ADCYAP1R1: variants seen among roughly 807,000 people sequenced by gnomAD.
ADCYAP1R1 encodes pituitary adenylate cyclase-activating polypeptide type I receptor.
In ADCYAP1R1, 44 loss-of-function variants were observed where a neutral mutation model predicts 67.6. The observed-to-expected ratio is 0.65, with a 90% CI of 0.51 to 0.84. The LOEUF (loss-of-function observed/expected upper bound fraction) is 0.84. Among genes scored for constraint, ADCYAP1R1 ranks in the 40% least tolerant of loss-of-function variants. ADCYAP1R1 has a pLI of 0.00. For synonymous variants in ADCYAP1R1, 222 were observed against 219.6 expected (o/e 1.01, Z -0.10); for missense variants, 477 against 587.9 (o/e 0.81, Z 1.95).
chr7:31,061,071 G>T (rs762915373), intron 1 of ADCYAP1R1, among the ~76,000 whole-genome samples: 5 of 152,174 alleles, frequency 3.3e-5, no homozygotes, highest in African/African-American at 4.8e-5. Flanking sequence ...TATCTGCTAG[G>T]GGGCAGCCCA....
At chr7:31,060,278 A>G (rs1794443330) in intron 1 of ADCYAP1R1, among the ~76,000 whole-genome samples, 2 of 152,216 alleles carry the variant, frequency 1.3e-5, no homozygotes, top group South Asian at 4.1e-4. Flanking sequence ...ACCTGCACCC[A>G]TATCTGAATC....
intron 1 of ADCYAP1R1, among the ~76,000 whole-genome samples, chr7:31,057,275 G>A (rs528232998): frequency 3.5e-4 from 53 of 152,224 alleles, no homozygotes; most frequent in Non-Finnish European, 6.2e-4. Context: ...CCTGGCCCAG[G>A]GGGTGCACTC....
intron 13 of ADCYAP1R1, chr7:31,100,195 T>C (rs1796381476): frequency 1.3e-6 from 2 of 1,550,618 alleles, no homozygotes; most frequent in Non-Finnish European, 1.7e-6. Flanking sequence ...ATGTCAGAAC[T>C]GTCCACCATT....
chr7:31,103,971 G>A (rs1288066484), intron 14 of ADCYAP1R1, among the ~76,000 whole-genome samples: 2 of 152,196 alleles, frequency 1.3e-5, no homozygotes, highest in Non-Finnish European at 2.9e-5. Context: ...TGGAGTGTCT[G>A]GGGATAGAGC....
intron 3 of ADCYAP1R1, among the ~76,000 whole-genome samples, chr7:31,066,449 C>T (rs1244999696): frequency 6.6e-6 from 1 of 151,978 alleles, no homozygotes; most frequent in African/African-American, 2.4e-5. Context: ...GATGTCGTGG[C>T]AGAGAAGGGA....
Position 31,064,941 on chromosome 7 carries a change from G to A in ADCYAP1R1, c.157+5G>A. The A allele has an allele frequency of 6.2e-7, 1 of 1,600,850 alleles. No homozygotes were observed. The highest frequency in any genetic ancestry group is 8.5e-7 in the Non-Finnish European group (1 of 1,172,308). ...GCTTCAATGATTCCTCTCCAGGTGAGCGGGGCGGCAGGGAGCATGCCACGT... is the reference window on the plus strand; with the variant it reads ...GCTTCAATGATTCCTCTCCAGGTGAACGGGGCGGCAGGGAGCATGCCACGT... On this transcript the variant is annotated splice_donor_5th_base_variant and intron_variant, in intron 3 of 15. Transcript: ENST00000304166.
chr7:31,095,453 T>C (rs575047514), intron 13 of ADCYAP1R1, among the ~76,000 whole-genome samples: 1 of 151,614 alleles, frequency 6.6e-6, no homozygotes, highest in Non-Finnish European at 1.5e-5. Flanking sequence ...CAGCCCAGAG[T>C]GCTTGGCAGA....
chr7:31,059,263 A>G (rs1273410499), intron 1 of ADCYAP1R1, among the ~76,000 whole-genome samples: 2 of 152,194 alleles, frequency 1.3e-5, no homozygotes, highest in African/African-American at 2.4e-5. Context: ...TGTAACATCT[A>G]TGAGATAGAC....
chr7:31,099,986 C>T (rs966649247), intron 13 of ADCYAP1R1: 37 of 771,516 alleles, frequency 4.8e-5, no homozygotes, highest in Non-Finnish European at 7.3e-5. Flanking sequence ...ATGTCTTGGC[C>T]CTTGGCTCCC....
intron 12 of ADCYAP1R1, among the ~76,000 whole-genome samples, chr7:31,091,852 C>A (rs1480426375): frequency 6.6e-6 from 1 of 151,796 alleles, no homozygotes; most frequent in African/African-American, 2.4e-5. Context: ...ATCAGTTCTC[C>A]TATTTTTTCT....
At chr7:31,091,455 G>A (rs1160917078) in intron 12 of ADCYAP1R1, among the ~76,000 whole-genome samples, 2 of 152,110 alleles carry the variant, frequency 1.3e-5, no homozygotes, top group African/African-American at 4.8e-5. Flanking sequence ...TGTTGCAATT[G>A]CTTTTGAGGA....
chr7:31,064,514 T>C (rs2128617527), intron 2 of ADCYAP1R1, among the ~76,000 whole-genome samples: 1 of 152,298 alleles, frequency 6.6e-6, no homozygotes, highest in Admixed American at 6.5e-5. Flanking sequence ...CACACACATA[T>C]GACACTCAGA....
Position 31,078,036 on chromosome 7 carries a change from A to G in ADCYAP1R1, c.203A>G (p.His68Arg). 3.7e-6 allele frequency: 6 copies of G among 1,613,306 alleles called. No homozygotes were observed. The highest frequency in any genetic ancestry group is 5.1e-6 in the Non-Finnish European group (6 of 1,179,540). ...WDNITCWKPA[H>R]VGEMVLVSCP... is the part of the protein sequence containing the mutation. Reference sequence around the variant, plus strand: ...AACATCACGTGTTGGAAGCCCGCCCATGTGGGTGAGATGGTCCTGGTCAGC... The same window carrying G: ...AACATCACGTGTTGGAAGCCCGCCCGTGTGGGTGAGATGGTCCTGGTCAGC... The change falls in exon 4 of 16, where the codon CAT (histidine) becomes CGT (arginine). Residue 68 changes from histidine to arginine, a missense_variant. By Grantham distance (29) the His-to-Arg change is conservative (BLOSUM62 0). Coordinates refer to ENST00000304166, the MANE Select transcript of ADCYAP1R1 (RefSeq NM_001118.5).
chr7:31,076,120 T>A (rs1795201396), intron 3 of ADCYAP1R1, among the ~76,000 whole-genome samples: 2 of 152,154 alleles, frequency 1.3e-5, no homozygotes, highest in Admixed American at 1.3e-4. Flanking sequence ...AGGACAGAGT[T>A]GTCCACATGA....
intron 13 of ADCYAP1R1, 130 bp from the exon 14 acceptor site, chr7:31,103,107 G>A: frequency 7.7e-7 from 1 of 1,298,854 alleles, no homozygotes; most frequent in South Asian, 1.5e-5. Context: ...AGAGAATGCT[G>A]AGGGGTCTGT....
intron 1 of ADCYAP1R1, among the ~76,000 whole-genome samples, chr7:31,053,603 GCC>G (rs1272603685): frequency 6.6e-6 from 1 of 152,248 alleles, no homozygotes; most frequent in Non-Finnish European, 1.5e-5. Flanking sequence ...ATGGAGCTCA[GCC>G]CCTTTTTGGA....
In ADCYAP1R1 at chr7:31,064,831, GC is replaced by G; in HGVS notation, c.56del (p.Pro19LeufsTer26). 1 of 1,608,590 alleles carries G rather than the reference GC, an allele frequency of 6.2e-7. No homozygotes were observed. The highest frequency in any genetic ancestry group is 8.5e-7 in the Non-Finnish European group (1 of 1,177,164). ...SLAALLLLPM[A>X]PAMHSDCIFK... is the part of the protein sequence containing the mutation. ...CCATCCATCCTGTGTTCTCCTACAGGCCCCTGCCATGCATTCTGACTGCATC... is the reference window on the plus strand; with the variant it reads ...CCATCCATCCTGTGTTCTCCTACAGGCCCTGCCATGCATTCTGACTGCATC... On this transcript the variant is annotated frameshift_variant and splice_region_variant, in exon 3 of 16. Transcript: ENST00000304166. LOFTEE classifies it high-confidence loss of function.
At chr7:31,098,083 G>C (rs910385118) in intron 13 of ADCYAP1R1, among the ~76,000 whole-genome samples, 1 of 151,904 alleles carries the variant, frequency 6.6e-6, no homozygotes, top group Non-Finnish European at 1.5e-5. Context: ...TTGTATTTTA[G>C]TAGAGACAGG....
Position 31,102,142 on chromosome 7 carries a change from G to A in ADCYAP1R1, c.1047-1095G>A, listed in dbSNP as rs1796465432. ...ATTCTCTCCCAGAAAGGCTGAATGCGGGAGAGAGGGACACATGGTGTAATT... is the reference window on the plus strand; with the variant it reads ...ATTCTCTCCCAGAAAGGCTGAATGCAGGAGAGAGGGACACATGGTGTAATT... On this transcript the variant is annotated intron_variant, in intron 13 of 15. Transcript: ENST00000304166. This position sits in a 1 kb window ranked among gnomAD's most constrained non-coding sequence, Gnocchi z 4.3. Among the ~76,000 whole-genome samples, 2 of 152,228 alleles carry A rather than the reference G, an allele frequency of 1.3e-5. No homozygotes were observed. Among genetic ancestry groups the A allele is most frequent in the Admixed American group, 6.5e-5 (1 of 15,290 alleles).
Sources: allele counts gnomAD v4.1 joint callset (sites outside exome capture counted in the v4.1 genomes callset), GRCh38; gene constraint gnomAD v4.1.1; non-coding constraint Gnocchi (gnomAD v3.1); transcripts MANE v1.5; gene names NCBI Gene and HGNC (gene_info 2026-07-23, HGNC 2026-07-21).